Variants in CTNNA2 observed in about 807,000 individuals in gnomAD.
CTNNA2 encodes catenin alpha-2.
In CTNNA2, 42 loss-of-function variants were observed where a neutral mutation model predicts 101.0. That is an observed-to-expected ratio of 0.42 (90% CI 0.32 to 0.54). The LOEUF is 0.54. Among genes scored for constraint, CTNNA2 ranks in the 20% least tolerant of loss-of-function variants. The pLI, the probability that CTNNA2 is intolerant of heterozygous loss-of-function variation, is 0.14. For synonymous variants in CTNNA2, 450 were observed against 456.4 expected, an observed-to-expected ratio of 0.99 and a Z score of 0.18; for missense variants, 871 against 1,223.1, an observed-to-expected ratio of 0.71 and a Z score of 4.29.
At chr2:79,753,449 C>A (rs958698687) in intron 3 of CTNNA2, among the ~76,000 whole-genome samples, 23 of 152,280 alleles carry the variant, frequency 1.5e-4, no homozygotes, top group Admixed American at 1.2e-3. Flanking sequence ...TATAGAGAAT[C>A]CTTAAAACAC....
At chr2:79,916,598 G>C (rs1217395635) in intron 7 of CTNNA2, among the ~76,000 whole-genome samples, 1 of 20,464 alleles carries the variant, frequency 4.9e-5, no homozygotes, top group Non-Finnish European at 8.1e-5. Context: ...TTTTGACGGA[G>C]GAGTCTCGCT....
chr2:80,572,093 G>A (rs188687172), intron 12 of CTNNA2, among the ~76,000 whole-genome samples: 13 of 152,256 alleles, frequency 8.5e-5, no homozygotes, highest in African/African-American at 1.9e-4. Context: ...AGCACTTGCC[G>A]AAATGATGTG....
intron 3 of CTNNA2, among the ~76,000 whole-genome samples, chr2:79,347,008 A>G (rs1020635063): frequency 6.6e-6 from 1 of 152,218 alleles, no homozygotes; most frequent in African/African-American, 2.4e-5. Flanking sequence ...CACTGTTTGG[A>G]TGATGAGTTC....
chr2:79,618,779 T>C (rs1447236701), intron 1 of CTNNA2, among the ~76,000 whole-genome samples: 1 of 152,166 alleles, frequency 6.6e-6, no homozygotes, highest in Non-Finnish European at 1.5e-5. Flanking sequence ...TGAGAGAAAA[T>C]GGAGTAGGAG....
At chr2:80,076,278 C>CTTT (rs200074706) in intron 7 of CTNNA2, among the ~76,000 whole-genome samples, 1 of 145,108 alleles carries the variant, frequency 6.9e-6, no homozygotes, top group Admixed American at 6.9e-5. Flanking sequence ...TCATTTTTTC[C>CTTT]TTTTTTTTTT....
At chr2:79,231,950 C>T (rs755898951) in intron 2 of CTNNA2, among the ~76,000 whole-genome samples, 1 of 151,880 alleles carries the variant, frequency 6.6e-6, no homozygotes, top group African/African-American at 2.4e-5. Context: ...GTTCCAGGAG[C>T]CTTTGGGTGG....
At chr2:80,523,224 T>C (rs1187952415) in intron 9 of CTNNA2, among the ~76,000 whole-genome samples, 1 of 152,092 alleles carries the variant, frequency 6.6e-6, no homozygotes, top group African/African-American at 2.4e-5. Flanking sequence ...GCAGCCTCAG[T>C]GGGAGAGCAG....
chr2:79,992,359 G>A (rs1310601272), intron 7 of CTNNA2, among the ~76,000 whole-genome samples: 1 of 152,102 alleles, frequency 6.6e-6, no homozygotes, highest in Non-Finnish European at 1.5e-5. Context: ...ACTTAATATT[G>A]CATATGGTGA....
intron 7 of CTNNA2, among the ~76,000 whole-genome samples, chr2:80,377,933 T>C (rs1158644232): frequency 6.6e-6 from 1 of 152,224 alleles, no homozygotes; most frequent in Non-Finnish European, 1.5e-5. Context: ...CCAAGTCTAA[T>C]GTCACTACAA....
chr2:79,829,665 T>G (rs547442667), intron 3 of CTNNA2, among the ~76,000 whole-genome samples: 1 of 152,030 alleles, frequency 6.6e-6, no homozygotes, highest in Middle Eastern at 3.4e-3. Flanking sequence ...GGAGTGCGTA[T>G]TCCTCGTAGG....
In CTNNA2 at chr2:79,649,643, G is replaced by A. The variant is rs540598404; in HGVS notation, c.-5-1909G>A. ...CTCTATGGCAGTTGGTAGTGTGAAT[G>A]GAAAATGTGTAAAGTGTTTTTAGGT... On this transcript the variant is annotated intron_variant, in intron 1 of 18. Coordinates refer to ENST00000402739, the MANE Select transcript of CTNNA2 (RefSeq NM_001282597.3). 3.3e-5 allele frequency among the ~76,000 whole-genome samples: 5 copies of A among 152,320 alleles called. No homozygotes were observed. The East Asian group carries it at 7.7e-4, about 24-fold the overall frequency.
In CTNNA2 at chr2:79,913,609, G is replaced by A. The variant is rs77981501; in HGVS notation, c.1056+3812G>A. Among the ~76,000 whole-genome samples the A allele has an allele frequency of 1.8e-3, 276 of 152,280 alleles. 6 individuals are homozygous for A. The East Asian group carries it at 0.037, about 20-fold the overall frequency. On this transcript the variant is annotated intron_variant, in intron 7 of 18. Transcript: ENST00000402739. ...GACAGGTGAGGAGGCCCTGCGTCCC[G>A]TAATATTCATGAGAGGATGGTCTCT... is the stretch of plus-strand genomic sequence containing the variant.
At chr2:80,610,950 C>T (rs1291464663) in intron 17 of CTNNA2, among the ~76,000 whole-genome samples, 1 of 151,334 alleles carries the variant, frequency 6.6e-6, no homozygotes, top group African/African-American at 2.4e-5. Flanking sequence ...TCTGTGTATG[C>T]TCATCCACAC....
chr2:79,893,836 T>A (rs942241740), intron 6 of CTNNA2, among the ~76,000 whole-genome samples: 3 of 152,204 alleles, frequency 2.0e-5, no homozygotes, highest in Admixed American at 1.3e-4. Context: ...TAATAGTTTT[T>A]TAGACTAACT....
chr2:80,631,575 G>A (rs963276558), intron 18 of CTNNA2, among the ~76,000 whole-genome samples: 9 of 152,000 alleles, frequency 5.9e-5, no homozygotes, highest in African/African-American at 2.2e-4. Flanking sequence ...CGCTTTTGCT[G>A]AATTTTCCCT....
intron 2 of CTNNA2, among the ~76,000 whole-genome samples, chr2:79,202,638 G>A (rs372498313): frequency 2.6e-5 from 4 of 152,158 alleles, no homozygotes; most frequent in East Asian, 3.9e-4. Context: ...AATCCTATGA[G>A]AGAATAGCTC....
At chr2:80,178,310 A>G (rs1705529395) in intron 7 of CTNNA2, among the ~76,000 whole-genome samples, 1 of 152,208 alleles carries the variant, frequency 6.6e-6, no homozygotes, top group Non-Finnish European at 1.5e-5. Context: ...GGTTCATGAT[A>G]GGCAGTTCAG....
chr2:79,861,133 AAGTAG>A, intron 4 of CTNNA2, among the ~76,000 whole-genome samples: 1 of 152,326 alleles, frequency 6.6e-6, no homozygotes, highest in Non-Finnish European at 1.5e-5. Flanking sequence ...AAGAAGAGTA[AAGTAG>A]TGACTCTGGT....
intron 2 of CTNNA2, among the ~76,000 whole-genome samples, chr2:79,723,461 C>G (rs950355051): frequency 1.3e-5 from 2 of 152,166 alleles, no homozygotes; most frequent in African/African-American, 4.8e-5. Flanking sequence ...ACTCAGAAGA[C>G]AGCTATGCCA....
Sources: gnomAD v4.1 joint callset for allele counts (sites outside exome capture counted in the v4.1 genomes callset) on GRCh38, gnomAD v4.1.1 for gene constraint, MANE v1.5 for transcripts, NCBI Gene and HGNC (gene_info 2026-07-23, HGNC 2026-07-21) for gene names.